Variants in OR8B3 observed in about 807,000 individuals in gnomAD.
OR8B3 encodes the protein olfactory receptor 8B3.
For synonymous variants in OR8B3, 102 were observed against 135.4 expected (o/e 0.75, Z 1.71); for missense variants, 278 against 377.6 (o/e 0.74, Z 2.19).
Position 124,396,420 on chromosome 11 carries a change from T to C in OR8B3, c.932A>G (p.Asn311Ser), listed in dbSNP as rs113859559. ...RKALIKIQRR[N>S]IF ...TATTACTGCTTCTAATTAGAATATATTTCTTCTCTGAATTTTAATCAGAGC... is the reference window on the plus strand; with the variant it reads ...TATTACTGCTTCTAATTAGAATATACTTCTTCTCTGAATTTTAATCAGAGC... Residue 311 changes from asparagine (N) to serine (S), a missense_variant, in exon 2 of 2, where the codon AAT becomes AGT. Physicochemically the swap from Asn to Ser is conservative, Grantham distance 46. Transcript: ENST00000641139. 7.5e-6 allele frequency: 12 copies of C among 1,599,870 alleles called. No individual in the cohort carries two copies. The highest frequency in any genetic ancestry group is 6.8e-5 in the African/African-American group (5 of 74,034).
At chr11:124,409,610 A>G in the OR8B3 span, among the ~76,000 whole-genome samples, 1 of 152,356 alleles carries the variant, frequency 6.6e-6, no homozygotes, top group East Asian at 1.9e-4. Context: ...TATTTGATGA[A>G]ATGAATAAGT....
rs1860937354 is a variant in OR8B3 at position 124,398,689 on chromosome 11, C to T, written c.-18+1G>A. 1 of 152,218 alleles carries T rather than the reference C, an allele frequency of 6.6e-6. No homozygotes were observed. The highest frequency in any genetic ancestry group is 1.5e-5 in the Non-Finnish European group (1 of 68,034). The allele number at this position is 152,218 out of a possible 1,614,324, so 9.4% of individuals were successfully genotyped here. On this transcript the variant is annotated splice_donor_variant, in intron 1 of 1. Coordinates refer to ENST00000641139, the MANE Select transcript of OR8B3 (RefSeq NM_001005467.2). LOFTEE classifies it low-confidence loss of function (5UTR_SPLICE). ...GAGAAATAGAAACTTGATTAACTCA[C>T]CTTCCTTCCACTCAGAGAACTCAGT...
At chr11:124,397,743 C>T (rs1860914329) in intron 1 of OR8B3, among the ~76,000 whole-genome samples, 1 of 151,120 alleles carries the variant, frequency 6.6e-6, no homozygotes, top group African/African-American at 2.4e-5. Flanking sequence ...GTTGCCCTGG[C>T]TGGAGTGCAA....
upstream of OR8B3, among the ~76,000 whole-genome samples, chr11:124,402,458 T>C (rs977766655): frequency 2.6e-5 from 4 of 152,088 alleles, no homozygotes; most frequent in Admixed American, 2.6e-4. Context: ...GTAAAATAAG[T>C]CTGTTGATTC....
chr11:124,405,587 C>T, the OR8B3 span, among the ~76,000 whole-genome samples: 1 of 152,220 alleles, frequency 6.6e-6, no homozygotes, highest in Non-Finnish European at 1.5e-5. Context: ...GAGCCATCAG[C>T]ACAGTCTTCA....
At chr11:124,404,978 A>T in the OR8B3 span, 4 of 152,284 alleles carry the variant, frequency 2.6e-5, no homozygotes, top group South Asian at 2.1e-4. Flanking sequence ...GAATTTAGGG[A>T]CATAAAATTA....
chr11:124,396,520 T>C lies in OR8B3; in HGVS notation c.832A>G (p.Thr278Ala), dbSNP rs1361868142. 2.5e-6 allele frequency: 4 copies of C among 1,614,072 alleles called. No homozygotes were observed. The highest frequency in any genetic ancestry group is 3.4e-6 in the Non-Finnish European group (4 of 1,180,024). The change falls in exon 2 of 2, where the codon ACT (threonine) becomes GCT (alanine). Residue 278 changes from threonine to alanine, a missense_variant. Coordinates refer to ENST00000641139, the MANE Select transcript of OR8B3 (RefSeq NM_001005467.2). Reference sequence around the variant, plus strand: ...GGATTGAGCATGGGCACCACATTAGTGTAGAAAACAGAAGAAACTTTTCCC... The same window carrying C: ...GGATTGAGCATGGGCACCACATTAGCGTAGAAAACAGAAGAAACTTTTCCC... ...EQGKVSSVFY[T>A]NVVPMLNPLI...
the OR8B3 span, among the ~76,000 whole-genome samples, chr11:124,406,167 C>T: frequency 6.6e-6 from 1 of 152,172 alleles, no homozygotes; most frequent in Non-Finnish European, 1.5e-5. Context: ...GTCTTTGTAG[C>T]TACTTTGTAG....
the OR8B3 span, among the ~76,000 whole-genome samples, chr11:124,409,027 C>T: frequency 2.6e-5 from 4 of 152,304 alleles, no homozygotes; most frequent in East Asian, 3.9e-4. Flanking sequence ...TGGCTCATCT[C>T]GGAATTCTTT....
At chr11:124,401,538 GT>G (rs1273954287), upstream of OR8B3, among the ~76,000 whole-genome samples, 5 of 152,082 alleles carry the variant, frequency 3.3e-5, no homozygotes, top group African/African-American at 2.4e-5. Context: ...AAATATAAGA[GT>G]TTTTTTCCTT....
the OR8B3 span, among the ~76,000 whole-genome samples, chr11:124,408,171 G>C: frequency 1.3e-5 from 2 of 152,020 alleles, no homozygotes; most frequent in South Asian, 4.1e-4. Context: ...TGGTATTTTT[G>C]TTTTGTAATT....
At chr11:124,397,628 G>A (rs1285597469) in intron 1 of OR8B3, among the ~76,000 whole-genome samples, 2 of 151,934 alleles carry the variant, frequency 1.3e-5, no homozygotes, top group African/African-American at 2.4e-5. Flanking sequence ...AGGCCTACCT[G>A]CTGTTGAGCT....
At chr11:124,406,322 T>G in the OR8B3 span, among the ~76,000 whole-genome samples, 1 of 152,186 alleles carries the variant, frequency 6.6e-6, no homozygotes, top group Non-Finnish European at 1.5e-5. Context: ...AATGATTTAG[T>G]ACATGGAAAG....
the OR8B3 span, among the ~76,000 whole-genome samples, chr11:124,405,539 T>G: frequency 2.6e-5 from 4 of 152,206 alleles, no homozygotes; most frequent in African/African-American, 9.7e-5. Context: ...TCTTTCCCAC[T>G]GTCTTGAAGG....
At chr11:124,405,851 A>G in the OR8B3 span, among the ~76,000 whole-genome samples, 3 of 152,188 alleles carry the variant, frequency 2.0e-5, no homozygotes, top group Non-Finnish European at 4.4e-5. Context: ...CTGTGTGTAC[A>G]TCCTGTGTCA....
At position 124,396,581 on chromosome 11, in the gene OR8B3, G is replaced by C; in HGVS notation, c.771C>G (p.Phe257Leu). 1 of 1,613,152 alleles carries C rather than the reference G, an allele frequency of 6.2e-7. No individual in the cohort carries two copies. The highest frequency in any genetic ancestry group is 8.5e-7 in the Non-Finnish European group (1 of 1,179,648). The part of the protein sequence containing the change: ...ALSLFFGSAA[F>L]MYIKYSSGSM... ...ATCCAGAAGAATATTTAATATACAT[G>C]AATGCCGCTGACCCAAAAAACAGAG... is the stretch of plus-strand genomic sequence containing the variant. The change falls in exon 2 of 2, where the codon TTC becomes TTG. Residue 257 changes from phenylalanine to leucine, a missense_variant. Phe to Leu is a conservative substitution (Grantham distance 22, BLOSUM62 0). Transcript: ENST00000641139.
At chr11:124,398,091 A>T (rs1189529163) in intron 1 of OR8B3, among the ~76,000 whole-genome samples, 1 of 152,130 alleles carries the variant, frequency 6.6e-6, no homozygotes, top group African/African-American at 2.4e-5. Context: ...TAGGGCAGAG[A>T]CCATACCGAT....
chr11:124,402,257 G>C (rs1351041967), upstream of OR8B3, among the ~76,000 whole-genome samples: 2 of 152,192 alleles, frequency 1.3e-5, no homozygotes, highest in African/African-American at 4.8e-5. Flanking sequence ...CCAATTTGCA[G>C]ATACAATACT....
upstream of OR8B3, among the ~76,000 whole-genome samples, chr11:124,401,643 A>C (rs1449514042): frequency 6.6e-6 from 1 of 152,256 alleles, no homozygotes; most frequent in Admixed American, 6.5e-5. Flanking sequence ...ATTTGCAGAA[A>C]GTGTATGCAT....
Sources: gnomAD v4.1 joint callset for allele counts (sites outside exome capture counted in the v4.1 genomes callset) on GRCh38, gnomAD v4.1.1 for gene constraint, MANE v1.5 for transcripts, NCBI Gene and HGNC (gene_info 2026-07-23, HGNC 2026-07-21) for gene names.